Variants in FDXR observed in about 807,000 individuals in gnomAD.
The protein encoded by FDXR is ferredoxin reductase.
FDXR carries 38 observed loss-of-function variants against 58.3 expected under a neutral mutation model. That is an observed-to-expected ratio of 0.65 (90% CI 0.50 to 0.85). The LOEUF (loss-of-function observed/expected upper bound fraction) is 0.85, where lower values mean the gene tolerates loss of function less well. Among genes scored for constraint, FDXR ranks in the 40% least tolerant of loss-of-function variants. The pLI is 0.00. For synonymous variants in FDXR, 275 were observed against 273.8 expected (o/e 1.00, Z -0.04); for missense variants, 624 against 671.0 (o/e 0.93, Z 0.77).
At chr17:74,867,815 C>T (rs2038243297) in intron 2 of FDXR, among the ~76,000 whole-genome samples, 1 of 152,148 alleles carries the variant, frequency 6.6e-6, no homozygotes, top group South Asian at 2.1e-4. Context: ...CAGGGCCTCC[C>T]CAAGTCTCAG....
Position 74,868,283 on chromosome 17 carries a change from C to T in FDXR, c.178-1407G>A, listed in dbSNP as rs1347102473. 3.1e-5 allele frequency: 18 copies of T among 582,958 alleles called. No individual in the cohort carries two copies. The Admixed American group carries it at 5.3e-4, about 17-fold the overall frequency. The allele number at this position is 582,958 out of a possible 1,614,324, so 36.1% of individuals were successfully genotyped here. A position where few individuals can be genotyped will look rare whatever the true frequency, so the allele number is the denominator to read the frequency against. Reference sequence around the variant, plus strand: ...GTAGCCTTGGATGCCAGTCCCAGCTCTAGCACTAGCTGGCTCTGTGCACTG... The same window carrying T: ...GTAGCCTTGGATGCCAGTCCCAGCTTTAGCACTAGCTGGCTCTGTGCACTG... On this transcript the variant is annotated intron_variant, in intron 2 of 11. Coordinates refer to ENST00000293195, the MANE Select transcript of FDXR (RefSeq NM_024417.5).
intron 2 of FDXR, chr17:74,870,065 G>A: frequency 4.8e-6 from 2 of 420,626 alleles, no homozygotes; most frequent in East Asian, 7.4e-5. Flanking sequence ...GCTGCATGTG[G>A]TCCTGTCTTA....
At chr17:74,864,671 C>T in intron 7 of FDXR, 107 bp from the exon 8 acceptor site, 1 of 1,411,474 alleles carries the variant, frequency 7.1e-7, no homozygotes, top group Non-Finnish European at 9.8e-7. Context: ...CACCCGCCTC[C>T]TCCCCAAAGG....
Position 74,872,961 on chromosome 17 carries a change from C to G in FDXR, c.-17G>C. On this transcript the variant is annotated 5_prime_UTR_variant, in exon 1 of 12. Transcript: ENST00000293195. ...CGAAGCCATGGCTGGGAGCAGCAAC[C>G]TGCAAGTGGATCTGTTCCTAGCTAC... 1.3e-6 allele frequency: 2 copies of G among 1,549,474 alleles called. No homozygotes were observed. The highest frequency in any genetic ancestry group is 1.7e-6 in the Non-Finnish European group (2 of 1,146,832).
At chr17:74,867,174 G>A (rs1348746095) in intron 2 of FDXR, among the ~76,000 whole-genome samples, 1 of 152,010 alleles carries the variant, frequency 6.6e-6, no homozygotes, top group Non-Finnish European at 1.5e-5. Context: ...GAGCGTGGTG[G>A]TAGGCACCTG....
chr17:74,866,782 A>C lies in FDXR; in HGVS notation c.270+2T>G. The C allele has an allele frequency of 6.2e-7, 1 of 1,613,954 alleles. No individual in the cohort carries two copies. Among genetic ancestry groups the C allele is most frequent in the Non-Finnish European group, 8.5e-7 (1 of 1,179,946 alleles). On this transcript the variant is annotated splice_donor_variant, in intron 3 of 11. Transcript: ENST00000293195. LOFTEE classifies it high-confidence loss of function. The stretch of plus-strand genomic sequence containing the variant: ...CCAGCCTCCAGGCCCAGAGACACCC[A>C]CCTTCACCTCGGGGTGATCAGGCGC...
chr17:74,872,994 C>G lies in FDXR; in HGVS notation c.-50G>C. The stretch of plus-strand genomic sequence containing the variant: ...GGATCTGTTCCTAGCTACTGCTCCG[C>G]AGGGCAAGCCCGCTCCTGCCCGGGC... On this transcript the variant is annotated 5_prime_UTR_variant, in exon 1 of 12. Transcript: ENST00000293195. The G allele has an allele frequency of 6.7e-7, 1 of 1,499,150 alleles. No individual in the cohort carries two copies. Among genetic ancestry groups the G allele is most frequent in the Non-Finnish European group, 9.0e-7 (1 of 1,109,626 alleles). 92.9% of individuals were successfully genotyped at this position (1,499,150 alleles called of 1,614,324 possible).
chr17:74,863,587 A>G (rs690307), intron 10 of FDXR, among the ~76,000 whole-genome samples: 1 of 152,138 alleles, frequency 6.6e-6, no homozygotes, highest in African/African-American at 2.4e-5. Context: ...TAAAACTGGA[A>G]GCTCCCTGAG....
At chr17:74,865,612 G>T in intron 6 of FDXR, 107 bp downstream of exon 6, 1 of 707,988 alleles carries the variant, frequency 1.4e-6, no homozygotes, top group Non-Finnish European at 2.4e-6. Context: ...GGAAACAGAG[G>T]CACTGAGCCC....
rs748969330 is a variant in FDXR, at chr17:74,866,509, G to A, written c.330C>T (p.Asn110=). The part of the protein sequence containing the change: ...AHSGRCAFWG[N]VEVGRDVTVP... Reference sequence around the variant, plus strand: ...CCGTCACGTCCCTGCCCACCTCCACGTTGCCCCAGAAGGCACAGCGGCCAG... The same window carrying A: ...CCGTCACGTCCCTGCCCACCTCCACATTGCCCCAGAAGGCACAGCGGCCAG... The change falls in exon 4 of 12, where the codon AAC becomes AAT. Residue 110 remains asparagine, a synonymous_variant. Transcript: ENST00000293195. 6.2e-6 allele frequency: 10 copies of A among 1,613,640 alleles called. No individual in the cohort carries two copies. Among genetic ancestry groups the A allele is most frequent in the Admixed American group, 3.3e-5 (2 of 59,988 alleles).
At chr17:74,864,693 C>G in intron 7 of FDXR, 129 bp from the exon 8 acceptor site, 6 of 1,431,506 alleles carry the variant, frequency 4.2e-6, no homozygotes, top group Non-Finnish European at 5.8e-6. Flanking sequence ...ACAGGGCCCC[C>G]GGGGCCCTGA....
At chr17:74,867,986 T>C (rs1420228592) in intron 2 of FDXR, among the ~76,000 whole-genome samples, 2 of 151,432 alleles carry the variant, frequency 1.3e-5, no homozygotes, top group African/African-American at 4.9e-5. Context: ...CTATCTTAGG[T>C]CCCCGCTATG....
rs1291962156 is a variant in FDXR, at chr17:74,866,202, C to T, written c.436G>A (p.Glu146Lys). 8 of 1,614,080 alleles carry T rather than the reference C, an allele frequency of 5.0e-6. No individual in the cohort carries two copies. Among genetic ancestry groups the T allele is most frequent in the Non-Finnish European group, 5.9e-6 (7 of 1,180,014 alleles). Reference sequence around the variant, plus strand: ...GCGGAGCACACACCTGGCAGCTCCTCACCAGGAATTTCCAGGGCCCGATGG... The same window carrying T: ...GCGGAGCACACACCTGGCAGCTCCTTACCAGGAATTTCCAGGGCCCGATGG... ...EDHRALEIPG[E>K]ELPGVCSARA... The change falls in exon 5 of 12, where the codon GAG becomes AAG. Residue 146 changes from glutamate to lysine, a missense_variant. Coordinates refer to ENST00000293195, the MANE Select transcript of FDXR (RefSeq NM_024417.5).
chr17:74,865,619 G>A, intron 6 of FDXR, 100 bp downstream of exon 6: 1 of 767,014 alleles, frequency 1.3e-6, no homozygotes. Flanking sequence ...GAGGCACTGA[G>A]CCCAGCTTGG....
chr17:74,865,117 C>A (rs1252604505), intron 6 of FDXR, among the ~76,000 whole-genome samples, 186 bp from the exon 7 acceptor site: 1 of 152,174 alleles, frequency 6.6e-6, no homozygotes. Context: ...AATAGCACAC[C>A]AGGCCCACAC....
rs1400575469 is a variant in FDXR at position 74,867,036 on chromosome 17, G to A, written c.178-160C>T. On this transcript the variant is annotated intron_variant, in intron 2 of 11. Coordinates refer to ENST00000293195, the MANE Select transcript of FDXR (RefSeq NM_024417.5). The stretch of plus-strand genomic sequence containing the variant: ...AGGAAAAAGAGCACTCACTCCTTGG[G>A]TGGCTCGCGCCTGTCAGCCCAGCAC... 5 of 1,448,194 alleles carry A rather than the reference G, an allele frequency of 3.5e-6. No individual in the cohort carries two copies. The Admixed American group carries it at 7.7e-5, about 22-fold the overall frequency. 89.7% of individuals were successfully genotyped at this position (1,448,194 alleles called of 1,614,324 possible).
At chr17:74,867,912 G>A (rs1377059199) in intron 2 of FDXR, among the ~76,000 whole-genome samples, 1 of 152,124 alleles carries the variant, frequency 6.6e-6, no homozygotes, top group Non-Finnish European at 1.5e-5. Context: ...GAGACTCTGG[G>A]CCACAGGCCG....
At chr17:74,864,693 C>T (rs35637152) in intron 7 of FDXR, 129 bp from the exon 8 acceptor site, 206 of 1,431,522 alleles carry the variant, frequency 1.4e-4, no homozygotes, top group East Asian at 4.4e-4. Context: ...ACAGGGCCCC[C>T]GGGGCCCTGA....
chr17:74,867,245 T>G (rs1320307803), intron 2 of FDXR, among the ~76,000 whole-genome samples: 3 of 138,274 alleles, frequency 2.2e-5, no homozygotes, highest in African/African-American at 8.3e-5. Flanking sequence ...AGGCAGAGGT[T>G]GCAGTGAGCG....
Sources: gnomAD v4.1 joint callset for allele counts (sites outside exome capture counted in the v4.1 genomes callset) on GRCh38, gnomAD v4.1.1 for gene constraint, MANE v1.5 for transcripts, NCBI Gene and HGNC (gene_info 2026-07-23, HGNC 2026-07-21) for gene names.